Variants in ADAM28 observed in about 807,000 individuals in gnomAD.
ADAM28 encodes ADAM metallopeptidase domain 28, also known as disintegrin and metalloproteinase domain-containing protein 28.
A neutral mutation model predicts 101.2 loss-of-function variants in ADAM28; 105 were observed. The ratio of observed to expected loss-of-function variants is 1.04; its 90% CI spans 0.89 to 1.22. ADAM28 has a LOEUF of 1.22. Ranked by LOEUF, ADAM28 falls within the 50% of genes most tolerant of loss-of-function variation. The pLI, the probability that ADAM28 is intolerant of heterozygous loss-of-function variation, is 0.00. For missense variants in ADAM28, 1,028 were observed against 945.4 expected, an observed-to-expected ratio of 1.09 and a Z score of -1.15; for synonymous variants, 322 against 310.6, an observed-to-expected ratio of 1.04 and a Z score of -0.39.
At chr8:24,320,145 C>A in intron 6 of ADAM28, 91 bp from the exon 7 acceptor site, 3 of 927,514 alleles carry the variant, frequency 3.2e-6, no homozygotes, top group South Asian at 1.4e-5. Context: ...CAGATATCAA[C>A]CAACTGCTTA....
At chr8:24,330,185 T>C in intron 11 of ADAM28, 70 bp downstream of exon 11, 3 of 1,495,202 alleles carry the variant, frequency 2.0e-6, no homozygotes, top group Non-Finnish European at 2.7e-6. Flanking sequence ...CTGTACTACT[T>C]TAGGTCATCT....
At chr8:24,320,692 C>G (rs2129286522) in intron 7 of ADAM28, among the ~76,000 whole-genome samples, 1 of 152,028 alleles carries the variant, frequency 6.6e-6, no homozygotes, top group South Asian at 2.1e-4. Flanking sequence ...ACAATGAAAG[C>G]TTAGTGAATG....
chr8:24,351,477 C>T, intron 20 of ADAM28, 167 bp downstream of exon 20: 2 of 735,218 alleles, frequency 2.7e-6, no homozygotes, highest in South Asian at 3.0e-5. Context: ...CCCTAAAATG[C>T]CGAGGCTACT....
At chr8:24,352,238 C>T (rs1816246632) in intron 21 of ADAM28, among the ~76,000 whole-genome samples, 186 bp downstream of exon 21, 1 of 152,220 alleles carries the variant, frequency 6.6e-6, no homozygotes, top group Non-Finnish European at 1.5e-5. Context: ...ATGTATGTCA[C>T]TCCATGCCAA....
chr8:24,353,675 G>C (rs1373373035), intron 21 of ADAM28, 95 bp from the exon 22 acceptor site: 2 of 868,160 alleles, frequency 2.3e-6, no homozygotes, highest in Admixed American at 2.1e-5. Flanking sequence ...GTGAAGAAGA[G>C]CTAGGAAATA....
rs200511993 is a variant in ADAM28, at chr8:24,341,659, C to A, written c.1732C>A (p.Arg578=). 1 of 1,613,720 alleles carries A rather than the reference C, an allele frequency of 6.2e-7. No individual in the cohort carries two copies. The change falls in exon 16 of 23, where the codon CGG becomes AGG. Residue 578 remains arginine (R), a synonymous_variant. Transcript: ENST00000265769. ...GGSDNLPWKG[R]IVTFLTCKTF... The stretch of plus-strand genomic sequence containing the variant: ...GTCGGATAATTTGCCCTGGAAAGGA[C>A]GGATAGTGACTTTCCTGACATGTAA...
intron 1 of ADAM28, among the ~76,000 whole-genome samples, chr8:24,296,592 T>C (rs566264104): frequency 2.0e-5 from 3 of 152,322 alleles, no homozygotes; most frequent in East Asian, 3.9e-4. Flanking sequence ...CAGACTAATG[T>C]CTCTCATATT....
chr8:24,342,745 G>A (rs1585714361), intron 16 of ADAM28, among the ~76,000 whole-genome samples: 1 of 152,116 alleles, frequency 6.6e-6, no homozygotes, highest in Non-Finnish European at 1.5e-5. Context: ...TGGGCCTTAA[G>A]GGAGGGAAGT....
chr8:24,353,716 T>C, intron 21 of ADAM28, 54 bp from the exon 22 acceptor site: 1 of 1,114,016 alleles, frequency 9.0e-7, no homozygotes, highest in Non-Finnish European at 1.4e-6. Context: ...ATAGCTAAGA[T>C]GGGACAAGCA....
At chr8:24,342,915 C>T in intron 16 of ADAM28, 186 bp from the exon 17 acceptor site, 1 of 1,047,092 alleles carries the variant, frequency 9.6e-7, no homozygotes, top group Non-Finnish European at 1.3e-6. Context: ...CTTTATCAAC[C>T]TTTTTGGGTT....
chr8:24,319,114 T>G (rs945378142), intron 6 of ADAM28, among the ~76,000 whole-genome samples: 1 of 151,968 alleles, frequency 6.6e-6, no homozygotes, highest in Non-Finnish European at 1.5e-5. Context: ...CACAAGCACT[T>G]TTTTTCTATG....
At chr8:24,307,380 G>T (rs1054916221) in intron 2 of ADAM28, among the ~76,000 whole-genome samples, 1 of 152,178 alleles carries the variant, frequency 6.6e-6, no homozygotes, top group Admixed American at 6.5e-5. Flanking sequence ...TGTCAGCTAC[G>T]CCAGGGTTGT....
In ADAM28 at chr8:24,294,172, T is replaced by A. The variant is rs201174916; in HGVS notation, c.23T>A (p.Val8Asp). ...AGCATGTTGCAAGGTCTCCTGCCAG[T>A]CAGTCTCCTCCTCTCTGTTGCAGGT... MLQGLLP[V>D]SLLLSVAVSA... Residue 8 changes from valine to aspartate, a missense_variant, in exon 1 of 23, where the codon GTC becomes GAC. Val to Asp is a radical substitution (Grantham distance 152). Coordinates refer to ENST00000265769, the MANE Select transcript of ADAM28 (RefSeq NM_014265.6). 9.9e-6 allele frequency: 16 copies of A among 1,614,180 alleles called. No homozygotes were observed. Among genetic ancestry groups the A allele is most frequent in the Non-Finnish European group, 1.4e-5 (16 of 1,179,998 alleles).
In ADAM28 at chr8:24,332,755, A is replaced by G. The variant is rs1813517054; in HGVS notation, c.1371+6A>G. 7 of 1,405,280 alleles carry G rather than the reference A, an allele frequency of 5.0e-6. No individual in the cohort carries two copies. In the Admixed American group the frequency reaches 1.3e-4, roughly 26 times the overall value. The allele number at this position is 1,405,280 out of a possible 1,614,324, so 87.1% of individuals were successfully genotyped here. A position where few individuals can be genotyped will look rare whatever the true frequency, so the allele number is the denominator to read the frequency against. ...AATGTTGTGAAAAATGCCAAGTAAGATTATTTTATTCTATTTTAATAATTA... is the reference window on the plus strand; with the variant it reads ...AATGTTGTGAAAAATGCCAAGTAAGGTTATTTTATTCTATTTTAATAATTA... On this transcript the variant is annotated splice_donor_region_variant and intron_variant, in intron 13 of 22. Transcript: ENST00000265769.
At chr8:24,301,242 C>T (rs2129238104) in intron 2 of ADAM28, among the ~76,000 whole-genome samples, 1 of 152,300 alleles carries the variant, frequency 6.6e-6, no homozygotes, top group East Asian at 1.9e-4. Flanking sequence ...AAATAATTAT[C>T]AACCAAGTGG....
In ADAM28 at chr8:24,332,693, T is replaced by C. The variant is rs767252843; in HGVS notation, c.1315T>C (p.Cys439Arg). The change falls in exon 13 of 23, where the codon TGT (cysteine) becomes CGT (arginine). Residue 439 changes from cysteine to arginine, a missense_variant. Cys to Arg is a radical substitution (Grantham distance 180, BLOSUM62 -3). Coordinates refer to ENST00000265769, the MANE Select transcript of ADAM28 (RefSeq NM_014265.6). The part of the protein sequence containing the change: ...CTNICCDAKT[C>R]KIKATFQCAL... ...CAATATTTGCTGTGATGCTAAGACA[T>C]GTAAAATCAAAGCAACTTTTCAATG... 1.3e-6 allele frequency: 2 copies of C among 1,527,854 alleles called. No homozygotes were observed. The highest frequency in any genetic ancestry group is 1.4e-5 in the South Asian group (1 of 73,866). The allele number at this position is 1,527,854 out of a possible 1,614,324, so 94.6% of individuals were successfully genotyped here.
rs141675718 is a variant in ADAM28 at position 24,347,509 on chromosome 8, C to A, written c.1991-2355C>A. Among the ~76,000 whole-genome samples the A allele has an allele frequency of 2.0e-5, 3 of 152,062 alleles. No individual in the cohort carries two copies. In the East Asian group the frequency reaches 5.8e-4, roughly 29 times the overall value. On this transcript the variant is annotated intron_variant, in intron 18 of 22. Coordinates refer to ENST00000265769, the MANE Select transcript of ADAM28 (RefSeq NM_014265.6). ...ACTGTGATTTTTTCATATACGTGTT[C>A]TGTAGTATTCTCCAGATATTTTGTT...
chr8:24,335,484 T>A lies in ADAM28; in HGVS notation c.1410T>A (p.Asp470Glu), dbSNP rs1048739034. 1 of 1,613,980 alleles carries A rather than the reference T, an allele frequency of 6.2e-7. No individual in the cohort carries two copies. The highest frequency in any genetic ancestry group is 1.7e-5 in the Admixed American group (1 of 60,006). ...KAGMVCRPAK[D>E]ECDLPEMCNG... ...GGATGGTGTGCAGACCAGCAAAAGATGAGTGCGACCTGCCTGAAATGTGTA... is the reference window on the plus strand; with the variant it reads ...GGATGGTGTGCAGACCAGCAAAAGAAGAGTGCGACCTGCCTGAAATGTGTA... Residue 470 changes from aspartate (D) to glutamate (E), a missense_variant, in exon 14 of 23, where the codon GAT becomes GAA. Coordinates refer to ENST00000265769, the MANE Select transcript of ADAM28 (RefSeq NM_014265.6).
intron 6 of ADAM28, among the ~76,000 whole-genome samples, chr8:24,316,118 C>T (rs1811130058): frequency 1.3e-5 from 2 of 150,772 alleles, no homozygotes; most frequent in Admixed American, 1.3e-4. Context: ...TCAAATATAC[C>T]TTATTTTATT....
Sources: gnomAD v4.1 joint callset for allele counts (sites outside exome capture counted in the v4.1 genomes callset) on GRCh38, gnomAD v4.1.1 for gene constraint, MANE v1.5 for transcripts, NCBI Gene and HGNC (gene_info 2026-07-23, HGNC 2026-07-21) for gene names.